Variants in PCDHA5 observed in about 807,000 individuals in gnomAD.
The protein encoded by PCDHA5 is protocadherin alpha-5.
In PCDHA5, 43 loss-of-function variants were observed where a neutral mutation model predicts 61.6. The ratio of observed to expected loss-of-function variants is 0.70; its 90% CI spans 0.55 to 0.90. PCDHA5 has a LOEUF of 0.90. Among genes scored for constraint, PCDHA5 ranks in the 40% least tolerant of loss-of-function variants. The pLI is 0.00. For synonymous variants in PCDHA5, 627 were observed against 543.9 expected (o/e 1.15, Z -2.13); for missense variants, 1,298 against 1,222.7 (o/e 1.06, Z -0.92).
intron 1 of PCDHA5, chr5:140,825,744 G>T (rs181658455): frequency 3.9e-5 from 6 of 152,526 alleles, no homozygotes; most frequent in African/African-American, 1.4e-4. Flanking sequence ...TTGATGAGGA[G>T]TAACTGTGAA....
At chr5:140,871,456 G>A (rs782153529) in intron 1 of PCDHA5, 2 of 1,607,284 alleles carry the variant, frequency 1.2e-6, no homozygotes, top group East Asian at 4.5e-5. Context: ...AGAGGAGGAA[G>A]GGGAAAGACA....
intron 1 of PCDHA5, chr5:140,877,314 G>A (rs2057020187): frequency 6.2e-7 from 1 of 1,613,972 alleles, no homozygotes; most frequent in Admixed American, 1.7e-5. Context: ...TGCAACCGGC[G>A]GCGGTCGGCG....
intron 1 of PCDHA5, among the ~76,000 whole-genome samples, chr5:140,874,292 G>C (rs1554167129): frequency 2.0e-5 from 3 of 152,146 alleles, no homozygotes; most frequent in Non-Finnish European, 4.4e-5. Context: ...AAATCTATGT[G>C]TACTTGTTCA....
At chr5:141,002,555 A>T (rs1349538713) in intron 3 of PCDHA5, among the ~76,000 whole-genome samples, 1 of 152,222 alleles carries the variant, frequency 6.6e-6, no homozygotes, top group African/African-American at 2.4e-5. Flanking sequence ...CCCAGGATCC[A>T]CCAGTTAGTG....
intron 1 of PCDHA5, chr5:140,876,782 C>T (rs372500794): frequency 2.5e-6 from 4 of 1,614,096 alleles, no homozygotes; most frequent in African/African-American, 2.7e-5. Flanking sequence ...TCGCTGTGGG[C>T]CACGGCTAGA....
chr5:140,957,100 T>C (rs2095333217), intron 1 of PCDHA5, among the ~76,000 whole-genome samples: 1 of 152,328 alleles, frequency 6.6e-6, no homozygotes, highest in Non-Finnish European at 1.5e-5. Flanking sequence ...AATATTGCTA[T>C]GGACATGATT....
Position 140,922,465 on chromosome 5 carries a change from T to C in PCDHA5, c.2353-56484T>C, listed in dbSNP as rs116670359. ...CATTATCCTATTTGTCAACACAAAA[T>C]AGGAGAGAAGGCAGGACTAAATCTG... On this transcript the variant is annotated intron_variant, in intron 1 of 3. Transcript: ENST00000529859. Among the ~76,000 whole-genome samples the C allele has an allele frequency of 8.9e-3, 1,361 of 152,304 alleles. 16 individuals carry two copies. Among genetic ancestry groups the C allele is most frequent in the African/African-American group, 0.031 (1,303 of 41,562 alleles).
At chr5:140,882,369 C>T (rs1554173809) in intron 1 of PCDHA5, 1 of 1,614,222 alleles carries the variant, frequency 6.2e-7, no homozygotes, top group South Asian at 1.1e-5. Context: ...CTCCACTACT[C>T]CGTCCCCGAG....
At chr5:140,874,161 A>G (rs1173333729) in intron 1 of PCDHA5, among the ~76,000 whole-genome samples, 1 of 152,042 alleles carries the variant, frequency 6.6e-6, no homozygotes, top group Non-Finnish European at 1.5e-5. Context: ...ATTCTTGGTT[A>G]CTCTTTCCTG....
intron 1 of PCDHA5, chr5:140,856,366 G>A (rs1388631411): frequency 1.3e-6 from 2 of 1,598,482 alleles, no homozygotes; most frequent in Admixed American, 1.7e-5. Context: ...TCCACCTGGA[G>A]GTGATCGTGG....
intron 1 of PCDHA5, chr5:140,835,300 G>C: frequency 6.2e-7 from 1 of 1,612,792 alleles, no homozygotes; most frequent in East Asian, 2.2e-5. Context: ...ACAGTGATAG[G>C]ACATATGGAT....
In PCDHA5 at chr5:140,855,439, C is replaced by A. The variant is rs190954774; in HGVS notation, c.2352+31312C>A. On this transcript the variant is annotated intron_variant, in intron 1 of 3. Coordinates refer to ENST00000529859, the MANE Select transcript of PCDHA5 (RefSeq NM_018908.3). ...CTCTAAATTCTAGTGATGACTAGAT[C>A]TTCGGAGTTATAAACACCTCACAGA... Among the ~76,000 whole-genome samples the A allele has an allele frequency of 4.7e-5, 7 of 149,934 alleles. 1 individual carries two copies. The Admixed American group carries it at 4.7e-4, about 10-fold the overall frequency.
chr5:140,838,287 T>TTTTC (rs200382821), intron 1 of PCDHA5, among the ~76,000 whole-genome samples: 30 of 150,176 alleles, frequency 2.0e-4, no homozygotes, highest in African/African-American at 7.4e-4. Context: ...CTAATTTTTT[T>TTTTC]TTTTTTTTGT....
At chr5:140,849,934 G>C (rs2150458402) in intron 1 of PCDHA5, 4 of 1,598,054 alleles carry the variant, frequency 2.5e-6, no homozygotes, top group Non-Finnish European at 3.4e-6. Flanking sequence ...GTGTCTGCGC[G>C]GGACGCTGAC....
At chr5:140,836,408 A>G (rs2150260018) in intron 1 of PCDHA5, 22 of 1,613,740 alleles carry the variant, frequency 1.4e-5, no homozygotes, top group Non-Finnish European at 1.9e-5. Context: ...GCGGCCAGGC[A>G]CCAAAGGCGT....
chr5:140,863,348 C>T, intron 1 of PCDHA5: 2 of 1,313,382 alleles, frequency 1.5e-6, no homozygotes, highest in Non-Finnish European at 2.1e-6. Flanking sequence ...CTGCTGTACA[C>T]GACGCTGCGG....
intron 1 of PCDHA5, among the ~76,000 whole-genome samples, chr5:140,918,353 C>T (rs557694814): frequency 4.6e-5 from 7 of 152,236 alleles, no homozygotes; most frequent in African/African-American, 1.7e-4. Context: ...AGGTTGACTT[C>T]CTCTCTGCCT....
intron 1 of PCDHA5, among the ~76,000 whole-genome samples, chr5:140,941,259 T>TTCTTTCTTTC (rs1554214226): frequency 2.6e-4 from 32 of 121,828 alleles, no homozygotes; most frequent in African/African-American, 6.8e-4. Flanking sequence ...TTCTTTCTCT[T>TTCTTTCTTTC]TCTTTCTTTC....
intron 3 of PCDHA5, among the ~76,000 whole-genome samples, chr5:140,987,487 C>A (rs868928905): frequency 6.6e-6 from 1 of 152,154 alleles, no homozygotes; most frequent in Non-Finnish European, 1.5e-5. Flanking sequence ...GTCAGTGACC[C>A]TTTCTGAATT....
Sources: allele counts gnomAD v4.1 joint callset (sites outside exome capture counted in the v4.1 genomes callset), GRCh38; gene constraint gnomAD v4.1.1; transcripts MANE v1.5; gene names NCBI Gene and HGNC (gene_info 2026-07-23, HGNC 2026-07-21).